IKZF1: variants seen among roughly 807,000 people sequenced by gnomAD.
IKZF1 encodes DNA-binding protein Ikaros.
IKZF1 carries 10 observed loss-of-function variants against 51.7 expected under a neutral mutation model. That is an observed-to-expected ratio of 0.19 (90% CI 0.12 to 0.33). IKZF1 has a LOEUF of 0.33. IKZF1 is among the 10% of genes least tolerant of loss of function. The pLI, the probability that IKZF1 is intolerant of heterozygous loss-of-function variation, is 1.00. For missense variants in IKZF1, 484 were observed against 707.5 expected (o/e 0.68, Z 3.58); for synonymous variants, 280 against 282.3 (o/e 0.99, Z 0.08).
At position 50,332,876 on chromosome 7, in the gene IKZF1, G is replaced by T. The variant is rs900786701; in HGVS notation, c.160+5119G>T. ...TTCCAGAATGTGCTTCTCTGGCTCTGTGCACTGGAGCAGCCAACTCCTGAA... is the reference window on the plus strand; with the variant it reads ...TTCCAGAATGTGCTTCTCTGGCTCTTTGCACTGGAGCAGCCAACTCCTGAA... On this transcript the variant is annotated intron_variant, in intron 3 of 7. Transcript: ENST00000331340. Among the ~76,000 whole-genome samples, 8 of 152,276 alleles carry T rather than the reference G, an allele frequency of 5.3e-5. No individual in the cohort carries two copies. The South Asian group carries it at 1.7e-3, about 32-fold the overall frequency.
intron 3 of IKZF1, among the ~76,000 whole-genome samples, chr7:50,358,335 A>G (rs1183657425): frequency 6.6e-6 from 1 of 152,222 alleles, no homozygotes; most frequent in African/African-American, 2.4e-5. Flanking sequence ...TTTCTTCCTA[A>G]GAGATGTGAG....
intron 4 of IKZF1, among the ~76,000 whole-genome samples, chr7:50,382,233 A>G (rs1812039316): frequency 6.6e-6 from 1 of 152,240 alleles, no homozygotes; most frequent in Non-Finnish European, 1.5e-5. Context: ...GTTTATTCCA[A>G]AACTGCTGAT....
At chr7:50,328,705 C>G (rs1450156455) in intron 3 of IKZF1, 1 of 152,194 alleles carries the variant, frequency 6.6e-6, no homozygotes, top group African/African-American at 2.4e-5. Context: ...ATGAGAATCA[C>G]AACTGTATGT....
chr7:50,317,233 C>T (rs1791810359), intron 1 of IKZF1, among the ~76,000 whole-genome samples: 1 of 152,210 alleles, frequency 6.6e-6, no homozygotes, highest in Admixed American at 6.5e-5. Context: ...CTTCTGTATG[C>T]TTCACCAATC....
chr7:50,400,731 C>T lies in IKZF1; in HGVS notation c.*104C>T, dbSNP rs1817966313. 2.3e-6 allele frequency: 3 copies of T among 1,329,114 alleles called. No homozygotes were observed. In the African/African-American group the frequency reaches 4.4e-5, roughly 20 times the overall value. 82.3% of individuals were successfully genotyped at this position (1,329,114 alleles called of 1,614,324 possible). On this transcript the variant is annotated 3_prime_UTR_variant, in exon 8 of 8. Coordinates refer to ENST00000331340, the MANE Select transcript of IKZF1 (RefSeq NM_006060.6). This position sits in a 1 kb window ranked among gnomAD's most constrained non-coding sequence, Gnocchi z 5.4. ...GCAGCATAGACTGGACTGGACCAGA[C>T]AATGTTGTGTTTGGATTTGTAACTG...
chr7:50,335,486 ATG>A (rs1797502354), intron 3 of IKZF1, among the ~76,000 whole-genome samples: 1 of 94,296 alleles, frequency 1.1e-5, no homozygotes, highest in Non-Finnish European at 2.0e-5. Context: ...TGTAGTGTGT[ATG>A]TGTGGTGTGT....
rs908447575 is a variant in IKZF1 at position 50,316,804 on chromosome 7, C to T, written c.-14-2244C>T. Among the ~76,000 whole-genome samples the T allele has an allele frequency of 5.3e-5, 8 of 152,348 alleles. No homozygotes were observed. In the East Asian group the frequency reaches 5.8e-4, roughly 11 times the overall value. On this transcript the variant is annotated intron_variant, in intron 1 of 7. Transcript: ENST00000331340. ...CTCAGCCCGCATTCCACTGGAAGGG[C>T]GTTTGCCAGTGGTGTTGGTTGGAAG...
intron 3 of IKZF1, among the ~76,000 whole-genome samples, chr7:50,340,909 G>A (rs1375568204): frequency 6.6e-6 from 1 of 152,160 alleles, no homozygotes; most frequent in African/African-American, 2.4e-5. Flanking sequence ...TGTAAAGGCT[G>A]CATTTACTCG....
intron 3 of IKZF1, among the ~76,000 whole-genome samples, chr7:50,356,618 A>T (rs1287594211): frequency 6.6e-6 from 1 of 152,022 alleles, no homozygotes; most frequent in Non-Finnish European, 1.5e-5. Context: ...CTGCTAAGCT[A>T]CTCAATGCAA....
At position 50,399,822 on chromosome 7, in the gene IKZF1, C is replaced by T. The variant is rs1442159516; in HGVS notation, c.851-96C>T. ...TGCTGGGCCCCCAGGCCGTGTTCCC[C>T]TTCCCCTCCCCGGTTGTAGATTTCA... is the stretch of plus-strand genomic sequence containing the variant. On this transcript the variant is annotated intron_variant, in intron 7 of 7. Transcript: ENST00000331340. The T allele has an allele frequency of 2.7e-6, 4 of 1,496,978 alleles. No homozygotes were observed. The African/African-American group carries it at 4.3e-5, about 16-fold the overall frequency. The allele number at this position is 1,496,978 out of a possible 1,614,324, so 92.7% of individuals were successfully genotyped here.
intron 3 of IKZF1, among the ~76,000 whole-genome samples, chr7:50,371,895 T>C (rs1307891181): frequency 1.3e-5 from 2 of 152,258 alleles, no homozygotes; most frequent in Non-Finnish European, 2.9e-5. Context: ...TTCTTTTTTC[T>C]GTCCACATCT....
chr7:50,341,144 T>TA (rs1798968121), intron 3 of IKZF1, among the ~76,000 whole-genome samples: 19 of 44,800 alleles, frequency 4.2e-4, no homozygotes, highest in African/African-American at 1.9e-3. Flanking sequence ...GGGTATGGAG[T>TA]CTTTTTTTTT....
intron 3 of IKZF1, among the ~76,000 whole-genome samples, chr7:50,340,284 GAC>G (rs1248556669): frequency 6.6e-6 from 1 of 152,258 alleles, no homozygotes; most frequent in Non-Finnish European, 1.5e-5. Flanking sequence ...ATCTCAGAGA[GAC>G]AGGTCTAGGG....
chr7:50,357,149 C>T (rs1274930040), intron 3 of IKZF1, among the ~76,000 whole-genome samples: 1 of 152,002 alleles, frequency 6.6e-6, no homozygotes, highest in Non-Finnish European at 1.5e-5. Flanking sequence ...ATAACCGACT[C>T]CTTCTTCTAG....
Position 50,318,966 on chromosome 7 carries a change from T to C in IKZF1, c.-14-82T>C, listed in dbSNP as rs541822512. On this transcript the variant is annotated intron_variant, in intron 1 of 7. Transcript: ENST00000331340. ...TAGATAACCTTGTTGTTAAATAGCA[T>C]AGGGGTTCTTTATCTCTCTCTCTTT... 176 of 844,886 alleles carry C rather than the reference T, an allele frequency of 2.1e-4. 1 individual carries two copies. Among genetic ancestry groups the C allele is most frequent in the Non-Finnish European group, 3.2e-4 (161 of 497,038 alleles). 52.3% of individuals were successfully genotyped at this position (844,886 alleles called of 1,614,324 possible). A position where few individuals can be genotyped will look rare whatever the true frequency, so the allele number is the denominator to read the frequency against.
Position 50,376,726 on chromosome 7 carries a change from G to C in IKZF1, c.354G>C (p.Lys118Asn), listed in dbSNP as rs2153469946. 1 of 1,614,016 alleles carries C rather than the reference G, an allele frequency of 6.2e-7. No homozygotes were observed. The highest frequency in any genetic ancestry group is 8.5e-7 in the Non-Finnish European group (1 of 1,179,896). Residue 118 changes from lysine (K) to asparagine (N), a missense_variant, in exon 4 of 8, where the codon AAG (lysine) becomes AAC (asparagine). Lys to Asn is a moderately conservative substitution (Grantham distance 94). This residue lies in a region of IKZF1 where 53 missense variants were observed against 167.7 expected (regional missense o/e 0.32). Coordinates refer to ENST00000331340, the MANE Select transcript of IKZF1 (RefSeq NM_006060.6). This position sits in a 1 kb window ranked among gnomAD's most constrained non-coding sequence, Gnocchi z 4.5. ...TTCGACTTCCTAACGGAAAACTAAA[G>C]TGTGATATCTGTGGGATCATTTGCA... is the stretch of plus-strand genomic sequence containing the variant. ...GGIRLPNGKL[K>N]CDICGIICIG...
Position 50,400,295 on chromosome 7 carries a change from G to A in IKZF1, c.1228G>A (p.Gly410Ser), listed in dbSNP as rs2153518842. Residue 410 changes from glycine (G) to serine (S), a missense_variant, in exon 8 of 8, where the codon GGT becomes AGT. Gly to Ser is a moderately conservative substitution (Grantham distance 56). Coordinates refer to ENST00000331340, the MANE Select transcript of IKZF1 (RefSeq NM_006060.6). The surrounding 1 kb of genome is among the most constrained non-coding windows in gnomAD (Gnocchi z 5.4). ...TESNNEEQRS[G>S]LIYLTNHIAP... ...GAGCAACAACGAGGAGCAGCGCAGC[G>A]GTCTCATCTACCTGACCAACCACAT... The A allele has an allele frequency of 6.2e-7, 1 of 1,612,932 alleles. No individual in the cohort carries two copies. The highest frequency in any genetic ancestry group is 8.5e-7 in the Non-Finnish European group (1 of 1,179,694).
At chr7:50,374,603 G>T (rs75742253) in intron 3 of IKZF1, among the ~76,000 whole-genome samples, 1 of 152,180 alleles carries the variant, frequency 6.6e-6, no homozygotes, top group Non-Finnish European at 1.5e-5. Flanking sequence ...TGTGCCCAGC[G>T]TGTGGTATTG....
chr7:50,396,021 G>A (rs1352319814), intron 7 of IKZF1, among the ~76,000 whole-genome samples: 1 of 152,168 alleles, frequency 6.6e-6, no homozygotes, highest in Non-Finnish European at 1.5e-5. Flanking sequence ...TAACCTTGAA[G>A]TTAAATACCC....
Sources: gnomAD v4.1 joint callset for allele counts (sites outside exome capture counted in the v4.1 genomes callset) on GRCh38, gnomAD v4.1.1 for gene constraint, gnomAD v4.1.1 regional missense constraint, Gnocchi (gnomAD v3.1) non-coding constraint, MANE v1.5 for transcripts, NCBI Gene and HGNC (gene_info 2026-07-23, HGNC 2026-07-21) for gene names.